Variants in SPATS2L observed in about 807,000 individuals in gnomAD.
SPATS2L encodes spermatogenesis associated serine rich 2 like.
A neutral mutation model predicts 59.6 loss-of-function variants in SPATS2L; 30 were observed. That is an observed-to-expected ratio of 0.50 (90% CI 0.38 to 0.68). The LOEUF is 0.68. SPATS2L is among the 30% of genes least tolerant of loss of function. The probability of loss-of-function intolerance (pLI) is 0.00; values close to 1 mark genes in which losing one functional copy is unlikely to be tolerated. For synonymous variants in SPATS2L, 252 were observed against 263.5 expected (o/e 0.96, Z 0.42); for missense variants, 615 against 700.0 (o/e 0.88, Z 1.37).
At chr2:200,407,293 G>C (rs1217061) in intron 3 of SPATS2L, among the ~76,000 whole-genome samples, 134,646 of 152,186 alleles carry the variant, frequency 0.88, 60,520 homozygotes, top group Non-Finnish European at 0.96. Flanking sequence ...TGTAGCAGAA[G>C]CAAGATTAGA....
At chr2:200,466,125 T>G (rs979302156) in intron 9 of SPATS2L, among the ~76,000 whole-genome samples, 2 of 152,256 alleles carry the variant, frequency 1.3e-5, no homozygotes, top group Non-Finnish European at 2.9e-5. Context: ...TACTTCTTTT[T>G]GGGCTTTTGC....
At chr2:200,382,294 C>T (rs1465978222) in intron 2 of SPATS2L, among the ~76,000 whole-genome samples, 2 of 152,092 alleles carry the variant, frequency 1.3e-5, no homozygotes, top group Non-Finnish European at 2.9e-5. Context: ...AGGCTGGTCT[C>T]GAACTCCTGA....
chr2:200,477,569 C>A, intron 12 of SPATS2L, 67 bp from the exon 13 acceptor site: 1 of 999,360 alleles, frequency 1.0e-6, no homozygotes, highest in Non-Finnish European at 1.3e-6. Context: ...TTTGGTTTTC[C>A]TGATGTCTAC....
chr2:200,334,944 C>T (rs572408670), intron 2 of SPATS2L, among the ~76,000 whole-genome samples: 208 of 152,240 alleles, frequency 1.4e-3, no homozygotes, highest in African/African-American at 4.9e-3. Flanking sequence ...AGTTAGATAG[C>T]GTGATGCCTC....
At chr2:200,318,753 G>T (rs145632244) in intron 1 of SPATS2L, among the ~76,000 whole-genome samples, 2 of 152,148 alleles carry the variant, frequency 1.3e-5, no homozygotes, top group South Asian at 2.1e-4. Flanking sequence ...GAAATTACAC[G>T]TGTAGAAAGC....
At chr2:200,310,921 G>A (rs568265705) in intron 1 of SPATS2L, among the ~76,000 whole-genome samples, 1 of 152,146 alleles carries the variant, frequency 6.6e-6, no homozygotes, top group South Asian at 2.1e-4. Context: ...GGTTCTTTCT[G>A]CCCTTTTGTT....
At chr2:200,344,686 AAC>A (rs1210841717) in intron 2 of SPATS2L, among the ~76,000 whole-genome samples, 1 of 152,230 alleles carries the variant, frequency 6.6e-6, no homozygotes, top group Non-Finnish European at 1.5e-5. Flanking sequence ...CACTCCCACC[AAC>A]AGTGTATACA....
At chr2:200,452,407 C>T (rs1574620302) in intron 8 of SPATS2L, among the ~76,000 whole-genome samples, 1 of 152,124 alleles carries the variant, frequency 6.6e-6, no homozygotes, top group Admixed American at 6.5e-5. Flanking sequence ...TTAATTATGT[C>T]CTTTTTGAAG....
chr2:200,319,601 C>T (rs1054428814), intron 1 of SPATS2L, among the ~76,000 whole-genome samples: 1 of 141,294 alleles, frequency 7.1e-6, no homozygotes, highest in Admixed American at 7.1e-5. Flanking sequence ...ATCTTGAATG[C>T]AACAGCCTAC....
chr2:200,463,506 T>C (rs1405672650), intron 9 of SPATS2L: 1 of 152,246 alleles, frequency 6.6e-6, no homozygotes, highest in Non-Finnish European at 1.5e-5. Context: ...TCTCACTTTA[T>C]CAATAATATT....
chr2:200,338,077 T>C (rs2105812623), intron 2 of SPATS2L, among the ~76,000 whole-genome samples: 1 of 152,300 alleles, frequency 6.6e-6, no homozygotes, highest in South Asian at 2.1e-4. Flanking sequence ...CAGGCTGGAG[T>C]GCAGTGGTCC....
At chr2:200,419,161 A>G (rs1160404924) in intron 5 of SPATS2L, 89 bp from the exon 6 acceptor site, 2 of 1,346,022 alleles carry the variant, frequency 1.5e-6, no homozygotes, top group East Asian at 2.5e-5. Context: ...ACCAAAAAAG[A>G]TAGCATATCT....
At chr2:200,340,882 A>G (rs2080302026) in intron 2 of SPATS2L, among the ~76,000 whole-genome samples, 1 of 152,182 alleles carries the variant, frequency 6.6e-6, no homozygotes, top group Admixed American at 6.5e-5. Flanking sequence ...ATTTTATCCA[A>G]TTCAGTGTTT....
At chr2:200,327,201 T>A (rs932929314) in intron 1 of SPATS2L, among the ~76,000 whole-genome samples, 3 of 151,860 alleles carry the variant, frequency 2.0e-5, no homozygotes, top group Admixed American at 6.6e-5. Context: ...GTCAGGAGTT[T>A]GAGACTACCC....
intron 9 of SPATS2L, among the ~76,000 whole-genome samples, chr2:200,462,497 G>T (rs950369500): frequency 6.6e-6 from 1 of 152,042 alleles, no homozygotes; most frequent in South Asian, 2.1e-4. Flanking sequence ...CCTGGTTTTT[G>T]AACTAACCTC....
At chr2:200,417,678 C>T (rs200793334) in intron 5 of SPATS2L, among the ~76,000 whole-genome samples, 2 of 152,310 alleles carry the variant, frequency 1.3e-5, no homozygotes, top group East Asian at 3.9e-4. Flanking sequence ...TGCCACTGGC[C>T]TTGCCTTCAA....
intron 5 of SPATS2L, among the ~76,000 whole-genome samples, chr2:200,418,100 G>A (rs1159850649): frequency 1.3e-5 from 2 of 152,088 alleles, no homozygotes; most frequent in Non-Finnish European, 2.9e-5. Flanking sequence ...GTGATATTGG[G>A]GGGTCTAAAC....
intron 1 of SPATS2L, among the ~76,000 whole-genome samples, chr2:200,317,641 T>A (rs557903303): frequency 6.6e-6 from 1 of 152,338 alleles, no homozygotes; most frequent in African/African-American, 2.4e-5. Flanking sequence ...CCCTATGCTT[T>A]GCATTTGTGA....
At chr2:200,380,259 A>G (rs1248613256) in intron 2 of SPATS2L, among the ~76,000 whole-genome samples, 1 of 152,156 alleles carries the variant, frequency 6.6e-6, no homozygotes, top group African/African-American at 2.4e-5. Context: ...CTTTATGCAA[A>G]AATGGTTAAT....
Sources: gnomAD v4.1 joint callset for allele counts (sites outside exome capture counted in the v4.1 genomes callset) on GRCh38, gnomAD v4.1.1 for gene constraint, MANE v1.5 for transcripts, NCBI Gene and HGNC (gene_info 2026-07-23, HGNC 2026-07-21) for gene names.